CDH4: variants seen among roughly 807,000 people sequenced by gnomAD.
CDH4 encodes cadherin-4.
Under a neutral mutation model 86.0 loss-of-function variants are expected in CDH4, and 33 were observed. The observed-to-expected ratio is 0.38, with a 90% CI of 0.29 to 0.51. The LOEUF is 0.51. Among genes scored for constraint, CDH4 ranks in the 20% least tolerant of loss-of-function variants. The probability of loss-of-function intolerance (pLI) is 0.86; values close to 1 mark genes in which losing one functional copy is unlikely to be tolerated. For synonymous variants in CDH4, 555 were observed against 549.4 expected (o/e 1.01, Z -0.14); for missense variants, 1,114 against 1,307.4 (o/e 0.85, Z 2.28).
At chr20:61,389,720 G>A (rs2145462442) in intron 2 of CDH4, among the ~76,000 whole-genome samples, 1 of 145,236 alleles carries the variant, frequency 6.9e-6, no homozygotes, top group Admixed American at 7.3e-5. Context: ...CACCTGGTGG[G>A]TGGGGGCTGG....
At chr20:61,789,468 AG>A (rs1331044319) in intron 4 of CDH4, among the ~76,000 whole-genome samples, 2 of 152,148 alleles carry the variant, frequency 1.3e-5, no homozygotes, top group Non-Finnish European at 2.9e-5. Context: ...ACGGGATAGG[AG>A]GGGCCAGCAG....
chr20:61,888,369 G>T (rs1032199760), intron 7 of CDH4, among the ~76,000 whole-genome samples: 1 of 152,204 alleles, frequency 6.6e-6, no homozygotes, highest in Non-Finnish European at 1.5e-5. Context: ...TTCAGGCTCC[G>T]TCCAGCCGCT....
intron 3 of CDH4, among the ~76,000 whole-genome samples, chr20:61,750,497 T>C (rs759521935): frequency 3.4e-4 from 52 of 152,354 alleles, no homozygotes; most frequent in Middle Eastern, 3.4e-3. Flanking sequence ...TCCACACCTG[T>C]TGGCTCCACT....
rs182085568 is a variant in CDH4, at chr20:61,699,591, A to C, written c.170-43972A>C. Among the ~76,000 whole-genome samples, 25 of 152,330 alleles carry C rather than the reference A, an allele frequency of 1.6e-4. No individual in the cohort carries two copies. The East Asian group carries it at 4.6e-3, about 28-fold the overall frequency. On this transcript the variant is annotated intron_variant, in intron 2 of 15. Transcript: ENST00000614565. ...ATTGCTTCTCACACAGCTTCCTGCC[A>C]AGTCATGTCCCCAGGCTGGATGACA...
intron 7 of CDH4, among the ~76,000 whole-genome samples, chr20:61,883,805 T>G: frequency 6.6e-6 from 1 of 152,188 alleles, no homozygotes; most frequent in East Asian, 1.9e-4. Flanking sequence ...CCCAGACATC[T>G]AGACTCTTCT....
chr20:61,426,200 C>A (rs538217784), intron 2 of CDH4, among the ~76,000 whole-genome samples: 10 of 152,296 alleles, frequency 6.6e-5, no homozygotes, highest in Admixed American at 6.5e-4. Context: ...TCTTTTTCAT[C>A]TGAGAGTTAA....
intron 9 of CDH4, among the ~76,000 whole-genome samples, chr20:61,914,537 G>A (rs1431491589): frequency 6.6e-6 from 1 of 152,132 alleles, no homozygotes; most frequent in Non-Finnish European, 1.5e-5. Context: ...ACGGAGATCG[G>A]TGCGGGCTCA....
rs933116325 is a variant in CDH4 at position 61,879,827 on chromosome 20, G to A, written c.1050+5927G>A. On this transcript the variant is annotated intron_variant, in intron 7 of 15. Transcript: ENST00000614565. This position sits in a 1 kb window ranked among gnomAD's most constrained non-coding sequence, Gnocchi z 4.1. ...GCATTGTTCTCAGCGTCCCTTCCAG[G>A]CTGCTCCCGAGGATGTTGATTTTGT... 6.6e-6 allele frequency among the ~76,000 whole-genome samples: 1 copy of A among 152,160 alleles called. No individual in the cohort carries two copies. Among genetic ancestry groups the A allele is most frequent in the Non-Finnish European group, 1.5e-5 (1 of 68,024 alleles).
chr20:61,528,135 G>T (rs112642859), intron 2 of CDH4, among the ~76,000 whole-genome samples: 1 of 151,882 alleles, frequency 6.6e-6, no homozygotes, highest in Non-Finnish European at 1.5e-5. Flanking sequence ...CAGCACTTTG[G>T]GAGGCTGAGG....
At chr20:61,301,781 T>C (rs1281028550) in intron 2 of CDH4, among the ~76,000 whole-genome samples, 1 of 152,190 alleles carries the variant, frequency 6.6e-6, no homozygotes, top group African/African-American at 2.4e-5. Context: ...TAAAGGACAA[T>C]TGAGGGCGAT....
Position 61,577,027 on chromosome 20 carries a change from T to G in CDH4, c.170-166536T>G, listed in dbSNP as rs1213520014. Among the ~76,000 whole-genome samples the G allele has an allele frequency of 2.0e-5, 3 of 152,394 alleles. 1 individual carries two copies. Among genetic ancestry groups the G allele is most frequent in the East Asian group, 3.9e-4 (2 of 5,190 alleles). ...TGTAGGAGTGCATGGAAACATTCAC[T>G]TGTGTCACCACATAAATGTTTTGTG... is the stretch of plus-strand genomic sequence containing the variant. On this transcript the variant is annotated intron_variant, in intron 2 of 15. Coordinates refer to ENST00000614565, the MANE Select transcript of CDH4 (RefSeq NM_001794.5).
At chr20:61,355,540 A>G (rs2084744094) in intron 2 of CDH4, among the ~76,000 whole-genome samples, 2 of 152,246 alleles carry the variant, frequency 1.3e-5, no homozygotes, top group Admixed American at 1.3e-4. Flanking sequence ...AAGCTCCCGC[A>G]CAGTCCTTGC....
rs1274600877 is a variant in CDH4 at position 61,829,051 on chromosome 20, G to A, written c.577-15617G>A. 1.3e-5 allele frequency among the ~76,000 whole-genome samples: 2 copies of A among 152,192 alleles called. No individual in the cohort carries two copies. Among genetic ancestry groups the A allele is most frequent in the Non-Finnish European group, 2.9e-5 (2 of 68,030 alleles). On this transcript the variant is annotated intron_variant, in intron 4 of 15. Coordinates refer to ENST00000614565, the MANE Select transcript of CDH4 (RefSeq NM_001794.5). This position sits in a 1 kb window ranked among gnomAD's most constrained non-coding sequence, Gnocchi z 4.2. ...CATCATGGGAGGCGGAGCACTGGAG[G>A]CTCTGGCAGTCATGCTCGCCCGGCC... is the stretch of plus-strand genomic sequence containing the variant.
intron 2 of CDH4, among the ~76,000 whole-genome samples, chr20:61,415,666 T>A (rs2085142907): frequency 6.6e-6 from 1 of 152,180 alleles, no homozygotes; most frequent in South Asian, 2.1e-4. Context: ...CTTAGCATGA[T>A]GTCCTTAAAG....
chr20:61,916,468 G>A (rs1053205229), intron 9 of CDH4, among the ~76,000 whole-genome samples: 9 of 152,190 alleles, frequency 5.9e-5, no homozygotes, highest in East Asian at 3.8e-4. Flanking sequence ...CACAGTGCCC[G>A]GCACAAGGTA....
intron 2 of CDH4, among the ~76,000 whole-genome samples, chr20:61,262,881 T>G (rs1473937376): frequency 7.6e-6 from 1 of 132,246 alleles, no homozygotes; most frequent in Admixed American, 7.9e-5. Context: ...TCCCTTGCTC[T>G]CTCCCTCCCT....
intron 4 of CDH4, among the ~76,000 whole-genome samples, chr20:61,791,846 C>A (rs1274452865): frequency 1.3e-5 from 2 of 151,448 alleles, no homozygotes; most frequent in East Asian, 3.9e-4. Context: ...GAGCTGGGCA[C>A]ACCCAAGGAA....
chr20:61,917,304 C>T (rs1276501457), intron 9 of CDH4, among the ~76,000 whole-genome samples: 2 of 152,242 alleles, frequency 1.3e-5, no homozygotes, highest in Non-Finnish European at 2.9e-5. Flanking sequence ...GGGCCCAGCA[C>T]GGCCTCTTGT....
intron 6 of CDH4, among the ~76,000 whole-genome samples, chr20:61,871,162 C>G (rs959854527): frequency 6.6e-6 from 1 of 152,064 alleles, no homozygotes; most frequent in African/African-American, 2.4e-5. Flanking sequence ...TGAAAACACC[C>G]TTAGTATTTC....
Sources: gnomAD v4.1 joint callset for allele counts (sites outside exome capture counted in the v4.1 genomes callset) on GRCh38, gnomAD v4.1.1 for gene constraint, Gnocchi (gnomAD v3.1) non-coding constraint, MANE v1.5 for transcripts, NCBI Gene and HGNC (gene_info 2026-07-23, HGNC 2026-07-21) for gene names.